RGS7: variants seen among roughly 807,000 people sequenced by gnomAD.
RGS7 encodes regulator of G-protein signaling 7.
Under a neutral mutation model 81.1 loss-of-function variants are expected in RGS7, and 27 were observed. The observed-to-expected ratio is 0.33, with a 90% confidence interval of 0.25 to 0.46. RGS7 has a LOEUF of 0.46. RGS7 is among the 20% of genes least tolerant of loss of function. The pLI, the probability that RGS7 is intolerant of heterozygous loss-of-function variation, is 1.00. For synonymous variants in RGS7, 208 were observed against 207.7 expected (o/e 1.00, Z -0.01); for missense variants, 396 against 607.4 (o/e 0.65, Z 3.66).
chr1:240,849,471 G>T (rs1432215322), intron 9 of RGS7, among the ~76,000 whole-genome samples: 1 of 152,084 alleles, frequency 6.6e-6, no homozygotes. Context: ...TATGAAATGA[G>T]GACAAAATTA....
chr1:240,909,843 C>T (rs756365337), intron 6 of RGS7, among the ~76,000 whole-genome samples: 1 of 152,150 alleles, frequency 6.6e-6, no homozygotes, highest in African/African-American at 2.4e-5. Flanking sequence ...TACTTGAAGT[C>T]GGGATGCACA....
chr1:241,009,253 C>T (rs185803519), intron 3 of RGS7, among the ~76,000 whole-genome samples: 31 of 152,270 alleles, frequency 2.0e-4, no homozygotes, highest in African/African-American at 7.0e-4. Context: ...AACTCATAAA[C>T]CAGCCTTGTA....
intron 1 of RGS7, 67 bp downstream of exon 1, chr1:241,356,832 G>A (rs1432620133): frequency 2.0e-5 from 3 of 150,822 alleles, no homozygotes; most frequent in Non-Finnish European, 3.0e-5. Flanking sequence ...CGAGGGCTGG[G>A]TGCGGGCCGG....
chr1:240,819,937 G>A (rs1324176803), intron 10 of RGS7, among the ~76,000 whole-genome samples: 2 of 152,158 alleles, frequency 1.3e-5, no homozygotes, highest in African/African-American at 4.8e-5. Context: ...ATTTCCTGGG[G>A]ATAGTGATAG....
chr1:240,813,601 G>A lies in RGS7; in HGVS notation c.956+17C>T. The A allele has an allele frequency of 6.7e-7, 1 of 1,483,528 alleles. No individual in the cohort carries two copies. The highest frequency in any genetic ancestry group is 9.4e-7 in the Non-Finnish European group (1 of 1,061,248). 91.9% of individuals were successfully genotyped at this position (1,483,528 alleles called of 1,614,324 possible). ...AATAAAGCAACATATGGGCGAGAAA[G>A]ATAAAATGCCACCTACCTTGCCTCA... On this transcript the variant is annotated intron_variant, in intron 13 of 18. Coordinates refer to ENST00000440928, the MANE Select transcript of RGS7 (RefSeq NM_001364886.1).
chr1:240,884,727 C>T (rs919963198), intron 6 of RGS7, among the ~76,000 whole-genome samples: 5 of 152,130 alleles, frequency 3.3e-5, no homozygotes, highest in African/African-American at 1.2e-4. Context: ...AGCTAGATCC[C>T]TTCTTTACAC....
intron 2 of RGS7, among the ~76,000 whole-genome samples, chr1:241,200,496 T>A (rs1341869304): frequency 6.6e-6 from 1 of 152,174 alleles, no homozygotes; most frequent in Non-Finnish European, 1.5e-5. Flanking sequence ...ACAACCCAGA[T>A]GCTAATTCTG....
Position 241,327,125 on chromosome 1 carries a change from A to G in RGS7, c.78+28574T>C, listed in dbSNP as rs2081620939. Among the ~76,000 whole-genome samples, 6 of 112,792 alleles carry G rather than the reference A, an allele frequency of 5.3e-5. 1 individual carries two copies. Among genetic ancestry groups the G allele is most frequent in the African/African-American group, 2.0e-4 (6 of 30,010 alleles). The allele number at this position is 112,792 out of a possible 152,430, so 74.0% of individuals were successfully genotyped here. ...AAGAAAGAAAGAAAGAAAGAAAGAA[A>G]GAAAGAAAGAAAGAAAGAAAGGAAA... is the stretch of plus-strand genomic sequence containing the variant. On this transcript the variant is annotated intron_variant, in intron 2 of 18. Transcript: ENST00000440928.
At chr1:240,971,678 A>T (rs1490324502) in intron 4 of RGS7, among the ~76,000 whole-genome samples, 25 of 152,218 alleles carry the variant, frequency 1.6e-4, no homozygotes, top group Admixed American at 1.6e-3. Flanking sequence ...CAAATCAATC[A>T]ATCTTGTTAG....
At chr1:240,979,622 T>A (rs2148544888) in intron 4 of RGS7, among the ~76,000 whole-genome samples, 1 of 152,264 alleles carries the variant, frequency 6.6e-6, no homozygotes, top group Non-Finnish European at 1.5e-5. Flanking sequence ...TGTGGAGCAC[T>A]GTGGAGAGGT....
Position 241,027,909 on chromosome 1 carries a change from AT to A in RGS7, c.176-44781del, listed in dbSNP as rs535378989. Among the ~76,000 whole-genome samples, 565 of 152,358 alleles carry A rather than the reference AT, an allele frequency of 3.7e-3. 2 individuals are homozygous for A. The highest frequency in any genetic ancestry group is 7.2e-3 in the South Asian group (35 of 4,828). On this transcript the variant is annotated intron_variant, in intron 3 of 18. Coordinates refer to ENST00000440928, the MANE Select transcript of RGS7 (RefSeq NM_001364886.1). ...AGATGGCATTTGAAGCTACAGGATT[AT>A]ACTACCTGTGACAGGAAATATGTGA...
chr1:240,914,764 A>AT (rs1672320157), intron 6 of RGS7, among the ~76,000 whole-genome samples: 1 of 152,306 alleles, frequency 6.6e-6, no homozygotes, highest in South Asian at 2.1e-4. Flanking sequence ...AGAAAAAAAA[A>AT]GCTGAAGAAG....
At chr1:240,903,205 A>T (rs1670290630) in intron 6 of RGS7, among the ~76,000 whole-genome samples, 1 of 152,222 alleles carries the variant, frequency 6.6e-6, no homozygotes, top group Non-Finnish European at 1.5e-5. Context: ...AAAGTAGGCC[A>T]GAAAATTTGC....
rs145655956 is a variant in RGS7, at chr1:241,146,812, G to T, written c.79-48050C>A. Among the ~76,000 whole-genome samples, 416 of 152,262 alleles carry T rather than the reference G, an allele frequency of 2.7e-3. 1 individual carries two copies. The highest frequency in any genetic ancestry group is 0.01 in the Middle Eastern group (3 of 294). The stretch of plus-strand genomic sequence containing the variant: ...AGGCTGGGAAGTCCAAGATCAAGGT[G>T]ACAGTGGATTTAGTGTCTGCTGAGG... On this transcript the variant is annotated intron_variant, in intron 2 of 18. Transcript: ENST00000440928.
chr1:240,914,832 T>C (rs1448490972), intron 6 of RGS7, among the ~76,000 whole-genome samples: 1 of 152,010 alleles, frequency 6.6e-6, no homozygotes, highest in African/African-American at 2.4e-5. Flanking sequence ...GGGCAAACCA[T>C]TGACCCCATG....
At chr1:240,814,438 C>T (rs1690434736) in intron 12 of RGS7, among the ~76,000 whole-genome samples, 1 of 152,196 alleles carries the variant, frequency 6.6e-6, no homozygotes, top group Admixed American at 6.5e-5. Flanking sequence ...AGTGAAAAGG[C>T]TAGACTCTGC....
At chr1:241,189,165 TG>T (rs2072387532) in intron 2 of RGS7, among the ~76,000 whole-genome samples, 1 of 152,200 alleles carries the variant, frequency 6.6e-6, no homozygotes, top group Non-Finnish European at 1.5e-5. Flanking sequence ...TTTATTTTTT[TG>T]TACAGACAAG....
chr1:240,904,012 G>A (rs1234875534), intron 6 of RGS7, among the ~76,000 whole-genome samples: 1 of 152,134 alleles, frequency 6.6e-6, no homozygotes, highest in Non-Finnish European at 1.5e-5. Flanking sequence ...CCCAGAGTCC[G>A]CTATTCCTTC....
intron 3 of RGS7, among the ~76,000 whole-genome samples, chr1:241,064,765 C>A (rs1203067986): frequency 1.3e-5 from 2 of 151,822 alleles, no homozygotes; most frequent in Admixed American, 6.6e-5. Context: ...AGTCAGAATC[C>A]AGGAATCTGG....
Sources: allele counts gnomAD v4.1 joint callset (sites outside exome capture counted in the v4.1 genomes callset), GRCh38; gene constraint gnomAD v4.1.1; transcripts MANE v1.5; gene names NCBI Gene and HGNC (gene_info 2026-07-23, HGNC 2026-07-21).